PIK3C2G: variants seen among roughly 807,000 people sequenced by gnomAD.
PIK3C2G encodes the protein phosphatidylinositol-4-phosphate 3-kinase catalytic subunit type 2 gamma.
A neutral mutation model predicts 181.1 loss-of-function variants in PIK3C2G; 168 were observed. The ratio of observed to expected loss-of-function variants is 0.93; its 90% CI spans 0.82 to 1.05. The LOEUF (loss-of-function observed/expected upper bound fraction) is 1.05. Among genes scored for constraint, PIK3C2G ranks in the 50% least tolerant of loss-of-function variants. The pLI is 0.00. For synonymous variants in PIK3C2G, 573 were observed against 592.2 expected (o/e 0.97, Z 0.47); for missense variants, 1,869 against 1,732.8 (o/e 1.08, Z -1.40).
chr12:18,687,946 T>A, the PIK3C2G span: 19 of 1,052,730 alleles, frequency 1.8e-5, no homozygotes, highest in African/African-American at 2.9e-4. Flanking sequence ...TTGTTGCATA[T>A]AACATTTTGC....
rs1413044680 is a variant in PIK3C2G at position 18,559,809 on chromosome 12, TATATATATATATAGAGAGAGAGAGAG to T, written c.3591-2892_3591-2867del. 5.9e-3 allele frequency among the ~76,000 whole-genome samples: 220 copies of T among 37,338 alleles called. 1 individual carries two copies. The highest frequency in any genetic ancestry group is 0.019 in the East Asian group (21 of 1,100). The allele number at this position is 37,338 out of a possible 152,430, so 24.5% of individuals were successfully genotyped here. A position where few individuals can be genotyped will look rare whatever the true frequency, so the allele number is the denominator to read the frequency against. ...ATATATATATATATATATATATATA[TATATATATATATAGAGAGAGAGAGAG>T]AGAGAGAGAGAGAGAGAGAGAGAGA... On this transcript the variant is annotated intron_variant, in intron 26 of 32. Transcript: ENST00000538779.
chr12:18,393,640 A>G (rs1342185917), intron 15 of PIK3C2G, among the ~76,000 whole-genome samples: 1 of 152,132 alleles, frequency 6.6e-6, no homozygotes, highest in Non-Finnish European at 1.5e-5. Context: ...TTCTACTTCT[A>G]CCATGAAGAA....
At chr12:18,333,440 C>A (rs1368780786) in intron 8 of PIK3C2G, among the ~76,000 whole-genome samples, 1 of 152,038 alleles carries the variant, frequency 6.6e-6, no homozygotes, top group African/African-American at 2.4e-5. Context: ...CTCCTCTAAC[C>A]CCCCACCCAC....
intron 18 of PIK3C2G, among the ~76,000 whole-genome samples, chr12:18,457,622 T>C (rs947503649): frequency 6.6e-6 from 1 of 152,158 alleles, no homozygotes; most frequent in African/African-American, 2.4e-5. Context: ...TCTGTAATCA[T>C]CTGTGCTGAT....
the PIK3C2G span, among the ~76,000 whole-genome samples, chr12:18,709,684 C>T: frequency 6.6e-6 from 1 of 152,032 alleles, no homozygotes; most frequent in Non-Finnish European, 1.5e-5. Context: ...GACTTTGACA[C>T]CAGCCTCGAC....
intron 1 of PIK3C2G, among the ~76,000 whole-genome samples, chr12:18,249,491 TG>T (rs1039293943): frequency 1.6e-4 from 24 of 152,190 alleles, no homozygotes; most frequent in African/African-American, 5.8e-4. Context: ...TCCTAGGCCC[TG>T]GTTAATCCAT....
intron 14 of PIK3C2G, among the ~76,000 whole-genome samples, chr12:18,388,523 C>A (rs1027726988): frequency 2.0e-5 from 3 of 152,206 alleles, no homozygotes; most frequent in Non-Finnish European, 4.4e-5. Flanking sequence ...GATCTGTCTG[C>A]CTCAGTCTCC....
chr12:18,631,903 T>C (rs1949368039), intron 31 of PIK3C2G, among the ~76,000 whole-genome samples: 1 of 152,168 alleles, frequency 6.6e-6, no homozygotes, highest in Admixed American at 6.6e-5. Flanking sequence ...TTCACAGATC[T>C]CTAGGCTGGG....
At chr12:18,723,722 G>A in the PIK3C2G span, among the ~76,000 whole-genome samples, 2 of 152,068 alleles carry the variant, frequency 1.3e-5, no homozygotes, top group African/African-American at 4.8e-5. Flanking sequence ...TTGGAAAAGG[G>A]TTAGTTAACT....
At chr12:18,633,286 A>T (rs984213314) in intron 31 of PIK3C2G, among the ~76,000 whole-genome samples, 1 of 152,242 alleles carries the variant, frequency 6.6e-6, no homozygotes, top group Admixed American at 6.5e-5. Flanking sequence ...CACATGTTAC[A>T]TAAGAGAATA....
intron 11 of PIK3C2G, among the ~76,000 whole-genome samples, chr12:18,360,017 C>G (rs1941093684): frequency 6.6e-6 from 1 of 152,010 alleles, no homozygotes; most frequent in South Asian, 2.1e-4. Context: ...CCATTGTTTT[C>G]TGTCTTGTAT....
upstream of PIK3C2G, among the ~76,000 whole-genome samples, chr12:18,246,165 A>G (rs2136932176): frequency 6.6e-6 from 1 of 152,288 alleles, no homozygotes; most frequent in African/African-American, 2.4e-5. Flanking sequence ...CACAATGGGC[A>G]AAACTGAAGG....
chr12:18,380,486 C>T (rs1942764345), intron 13 of PIK3C2G, among the ~76,000 whole-genome samples: 1 of 152,178 alleles, frequency 6.6e-6, no homozygotes, highest in South Asian at 2.1e-4. Flanking sequence ...TGGGGTGAAG[C>T]TCCTATGCTC....
At chr12:18,449,722 T>C (rs561170911) in intron 18 of PIK3C2G, among the ~76,000 whole-genome samples, 15 of 152,284 alleles carry the variant, frequency 9.9e-5, no homozygotes, top group African/African-American at 3.6e-4. Flanking sequence ...TTTGGGTTGG[T>C]TCCAAGTTTT....
chr12:18,348,780 T>C (rs1939930840), intron 11 of PIK3C2G, among the ~76,000 whole-genome samples: 1 of 152,200 alleles, frequency 6.6e-6, no homozygotes, highest in African/African-American at 2.4e-5. Flanking sequence ...CTTAGCAGTT[T>C]AGCACAACAA....
chr12:18,702,987 TC>T, the PIK3C2G span, among the ~76,000 whole-genome samples: 1 of 152,048 alleles, frequency 6.6e-6, no homozygotes, highest in South Asian at 2.1e-4. Flanking sequence ...CTTTATTTAC[TC>T]ATTGAAAAGC....
intron 8 of PIK3C2G, among the ~76,000 whole-genome samples, chr12:18,327,208 A>G (rs1951384461): frequency 6.6e-6 from 1 of 152,076 alleles, no homozygotes; most frequent in Admixed American, 6.5e-5. Flanking sequence ...TGAGTTCTTT[A>G]ATGAGATTTT....
chr12:18,547,422 T>C (rs1465948170), intron 26 of PIK3C2G, among the ~76,000 whole-genome samples: 1 of 151,908 alleles, frequency 6.6e-6, no homozygotes, highest in Non-Finnish European at 1.5e-5. Flanking sequence ...AAAGAGACAA[T>C]GTGACAGAAT....
chr12:18,312,591 T>C (rs1209146805), intron 5 of PIK3C2G, among the ~76,000 whole-genome samples: 1 of 152,082 alleles, frequency 6.6e-6, no homozygotes, highest in African/African-American at 2.4e-5. Flanking sequence ...GAGAAATCAG[T>C]AGTTCCAAGA....
Sources: gnomAD v4.1 joint callset for allele counts (sites outside exome capture counted in the v4.1 genomes callset) on GRCh38, gnomAD v4.1.1 for gene constraint, MANE v1.5 for transcripts, NCBI Gene and HGNC (gene_info 2026-07-23, HGNC 2026-07-21) for gene names.